The following CDH18 variants were observed in gnomAD, a reference collection of about 807,000 sequenced individuals.
CDH18 encodes the protein cadherin-18.
CDH18 carries 31 observed loss-of-function variants against 67.9 expected under a neutral mutation model. The ratio of observed to expected loss-of-function variants is 0.46; its 90% confidence interval spans 0.34 to 0.62. CDH18 has a LOEUF of 0.62. Among genes scored for constraint, CDH18 ranks in the 20% least tolerant of loss-of-function variants. CDH18 has a pLI of 0.01. For missense variants in CDH18, 890 were observed against 975.5 expected (o/e 0.91, Z 1.17); for synonymous variants, 362 against 347.2 (o/e 1.04, Z -0.48).
chr5:19,964,698 C>A (rs59361617), intron 2 of CDH18, among the ~76,000 whole-genome samples: 1 of 149,956 alleles, frequency 6.7e-6, no homozygotes, highest in African/African-American at 2.4e-5. Flanking sequence ...AATGTAAATT[C>A]TGAGGTATAA....
chr5:20,513,556 T>C (rs1251696150), intron 1 of CDH18, among the ~76,000 whole-genome samples: 2 of 152,174 alleles, frequency 1.3e-5, no homozygotes, highest in Non-Finnish European at 2.9e-5. Context: ...ACTTCTTTAA[T>C]ATCCTAAAAT....
At chr5:20,528,171 A>G (rs1331494283) in intron 1 of CDH18, among the ~76,000 whole-genome samples, 1 of 152,102 alleles carries the variant, frequency 6.6e-6, no homozygotes, top group Non-Finnish European at 1.5e-5. Context: ...GACAAATAGC[A>G]TTACACAATG....
chr5:19,501,525 A>T (rs1743247722), intron 11 of CDH18, among the ~76,000 whole-genome samples: 1 of 151,618 alleles, frequency 6.6e-6, no homozygotes, highest in South Asian at 2.1e-4. Context: ...AAAAAAAAAA[A>T]AAAAAGAATG....
chr5:19,977,944 T>C (rs1159088878), intron 2 of CDH18, among the ~76,000 whole-genome samples: 1 of 152,156 alleles, frequency 6.6e-6, no homozygotes, highest in East Asian at 1.9e-4. Context: ...TTAATTGAGC[T>C]ATAGAATATT....
intron 3 of CDH18, among the ~76,000 whole-genome samples, chr5:19,805,871 A>G (rs943741111): frequency 2.6e-5 from 4 of 152,226 alleles, no homozygotes; most frequent in South Asian, 2.1e-4. Flanking sequence ...AGCTTGTTCT[A>G]AATGTCACAA....
At chr5:20,555,106 CAT>C (rs1757826154) in intron 1 of CDH18, among the ~76,000 whole-genome samples, 1 of 152,086 alleles carries the variant, frequency 6.6e-6, no homozygotes, top group Admixed American at 6.6e-5. Context: ...TAAATAAAGA[CAT>C]AAAGGTAGTC....
At chr5:19,905,469 A>T (rs552197326) in intron 2 of CDH18, among the ~76,000 whole-genome samples, 1 of 109,778 alleles carries the variant, frequency 9.1e-6, no homozygotes, top group South Asian at 3.0e-4. Context: ...GATTTATAAA[A>T]CATTTAGATC....
rs113905868 is a variant in CDH18 at position 20,104,091 on chromosome 5, T to C, written c.-517-112077A>G. Among the ~76,000 whole-genome samples the C allele has an allele frequency of 2.2e-3, 329 of 150,594 alleles. 1 individual carries two copies. Among genetic ancestry groups the C allele is most frequent in the African/African-American group, 7.5e-3 (310 of 41,264 alleles). ...TATATTAGATATAGATGATTATATA[T>C]ATAGCTATATAGAGATTATATATTT... On this transcript the variant is annotated intron_variant, in intron 2 of 14. Coordinates refer to the CDH18 transcript ENST00000507958.
intron 4 of CDH18, among the ~76,000 whole-genome samples, chr5:19,741,649 C>T (rs1196761409): frequency 6.6e-6 from 1 of 152,106 alleles, no homozygotes; most frequent in Non-Finnish European, 1.5e-5. Flanking sequence ...ACGGCATGAG[C>T]ATTCTGGCAC....
intron 2 of CDH18, among the ~76,000 whole-genome samples, chr5:20,065,666 AAAGCCT>A (rs1742917989): frequency 6.6e-6 from 1 of 152,044 alleles, no homozygotes; most frequent in African/African-American, 2.4e-5. Context: ...CATCAAACTC[AAAGCCT>A]ATTTTATAAT....
chr5:19,723,331 A>G (rs1019278558), intron 4 of CDH18, among the ~76,000 whole-genome samples: 29 of 152,164 alleles, frequency 1.9e-4, no homozygotes, highest in African/African-American at 6.0e-4. Context: ...TTTTAGGGAA[A>G]GTTTATTCTG....
At chr5:20,152,729 G>A (rs1308519281) in intron 2 of CDH18, among the ~76,000 whole-genome samples, 1 of 152,018 alleles carries the variant, frequency 6.6e-6, no homozygotes, top group Non-Finnish European at 1.5e-5. Flanking sequence ...GTGCTGAATT[G>A]ACATCACCAC....
intron 2 of CDH18, among the ~76,000 whole-genome samples, chr5:19,870,300 G>C (rs570750231): frequency 6.6e-6 from 1 of 152,232 alleles, no homozygotes; most frequent in East Asian, 1.9e-4. Flanking sequence ...ATACATGTCA[G>C]TAGTTACACA....
rs144191633 is a variant in CDH18, at chr5:19,894,377, TCTA to T, written c.-256-55138_-256-55136del. On this transcript the variant is annotated intron_variant, in intron 2 of 12. Coordinates refer to ENST00000382275, the MANE Select transcript of CDH18 (RefSeq NM_004934.5). ...CAGTTAAATAGATACATTTCACATGTCTACTGAGTATTCTAATACATACTTAAT... is the reference window on the plus strand; with the variant it reads ...CAGTTAAATAGATACATTTCACATGTCTGAGTATTCTAATACATACTTAAT... 5.5e-3 allele frequency among the ~76,000 whole-genome samples: 844 copies of T among 152,114 alleles called. 11 individuals carry two copies. Among genetic ancestry groups the T allele is most frequent in the African/African-American group, 0.019 (802 of 41,542 alleles).
intron 1 of CDH18, among the ~76,000 whole-genome samples, chr5:20,481,710 T>A (rs777995830): frequency 7.9e-5 from 12 of 151,656 alleles, no homozygotes; most frequent in Non-Finnish European, 1.2e-4. Context: ...GATTAGTGGG[T>A]CAAAAAAAGT....
At chr5:19,787,235 A>T (rs569589601) in intron 3 of CDH18, among the ~76,000 whole-genome samples, 1 of 152,240 alleles carries the variant, frequency 6.6e-6, no homozygotes, top group African/African-American at 2.4e-5. Flanking sequence ...CAGGTGGATC[A>T]CAATGTCAAG....
intron 1 of CDH18, among the ~76,000 whole-genome samples, chr5:20,294,207 T>C (rs58401650): frequency 0.46 from 69,990 of 151,630 alleles, 16,271 homozygotes; most frequent in South Asian, 0.54. Context: ...ATCCTCTTAA[T>C]TACCCAAAGT....
intron 1 of CDH18, among the ~76,000 whole-genome samples, chr5:20,263,558 A>T (rs1744819864): frequency 6.6e-6 from 1 of 152,302 alleles, no homozygotes; most frequent in East Asian, 1.9e-4. Flanking sequence ...TCCATGTTGA[A>T]AGATACATAC....
chr5:20,009,961 T>C (rs1445125351), intron 2 of CDH18, among the ~76,000 whole-genome samples: 1 of 152,158 alleles, frequency 6.6e-6, no homozygotes, highest in East Asian at 1.9e-4. Flanking sequence ...GGATTGGCTG[T>C]CTTAATTTTG....
Sources: gnomAD v4.1 joint callset for allele counts (sites outside exome capture counted in the v4.1 genomes callset) on GRCh38, gnomAD v4.1.1 for gene constraint, MANE v1.5 for transcripts, NCBI Gene and HGNC (gene_info 2026-07-23, HGNC 2026-07-21) for gene names.